Variants in TRIM9 observed in about 807,000 individuals in gnomAD.
TRIM9 encodes the protein E3 ubiquitin-protein ligase TRIM9.
A neutral mutation model predicts 78.3 loss-of-function variants in TRIM9; 26 were observed. The ratio of observed to expected loss-of-function variants is 0.33; its 90% CI spans 0.24 to 0.46. The LOEUF (loss-of-function observed/expected upper bound fraction) is 0.46. Ranked by LOEUF, TRIM9 falls within the 20% of genes least tolerant of loss-of-function variation. The pLI, the probability that TRIM9 is intolerant of heterozygous loss-of-function variation, is 1.00. For synonymous variants in TRIM9, 398 were observed against 416.5 expected (o/e 0.96, Z 0.54); for missense variants, 787 against 1,036.4 (o/e 0.76, Z 3.30).
intron 3 of TRIM9, among the ~76,000 whole-genome samples, chr14:51,019,950 T>C (rs987495780): frequency 6.6e-6 from 1 of 152,144 alleles, no homozygotes; most frequent in African/African-American, 2.4e-5. Context: ...GAGAGGGACA[T>C]GAGTAGATTA....
rs771232548 is a variant in TRIM9, at chr14:51,094,685, G to A, written c.255C>T (p.Ala85=). Residue 85 remains alanine, a synonymous_variant, in exon 1 of 13, where the codon GCC becomes GCT. Transcript: ENST00000684578. ...TCTGGCACGGGGTAGTGGGGGCGCTGGCGAACCCCCCGTAGGAGCCATAGC... is the reference window on the plus strand; with the variant it reads ...TCTGGCACGGGGTAGTGGGGGCGCTAGCGAACCCCCCGTAGGAGCCATAGC... ...DSGYGSYGGF[A]SAPTTPCQKS... is the part of the protein sequence containing the mutation. The A allele has an allele frequency of 1.6e-5, 26 of 1,576,174 alleles. No individual in the cohort carries two copies. The highest frequency in any genetic ancestry group is 1.7e-4 in the Middle Eastern group (1 of 5,904).
At chr14:50,999,998 C>T (rs571482467) in intron 6 of TRIM9, among the ~76,000 whole-genome samples, 1 of 152,296 alleles carries the variant, frequency 6.6e-6, no homozygotes, top group East Asian at 1.9e-4. Context: ...AGGGCTCCCT[C>T]ACCTTGGGAA....
At chr14:51,036,000 T>C (rs2059115298) in intron 1 of TRIM9, among the ~76,000 whole-genome samples, 1 of 152,336 alleles carries the variant, frequency 6.6e-6, no homozygotes. Context: ...TCAATCACAA[T>C]TGCTTGCAAG....
chr14:51,037,718 T>A (rs917185308), intron 1 of TRIM9, among the ~76,000 whole-genome samples: 7 of 151,922 alleles, frequency 4.6e-5, no homozygotes, highest in East Asian at 1.9e-4. Flanking sequence ...TTTAAAAAAA[T>A]TTTTTTTCAA....
Position 50,981,927 on chromosome 14 carries a change from G to A in TRIM9, c.2035C>T (p.Pro679Ser). 6.2e-7 allele frequency: 1 copy of A among 1,614,182 alleles called. No homozygotes were observed. Among genetic ancestry groups the A allele is most frequent in the Non-Finnish European group, 8.5e-7 (1 of 1,180,048 alleles). ...TCCATGCGAGCCACACCAAAGGCAG[G>A]ATCAGGGTGGTTGTCATAGCGATCT... Reference protein sequence around the residue: ...TVDRYDNHPDPAFGVARMDVM... With the variant: ...TVDRYDNHPDSAFGVARMDVM... Residue 679 changes from proline (P) to serine (S), a missense_variant, in exon 11 of 13, where the codon CCT becomes TCT. Pro to Ser is a moderately conservative substitution (Grantham distance 74, BLOSUM62 -1). This residue lies in a region of TRIM9 where 421 missense variants were observed against 514.3 expected (regional missense o/e 0.82). Coordinates refer to ENST00000684578, the MANE Select transcript of TRIM9 (RefSeq NM_001387360.1).
intron 1 of TRIM9, among the ~76,000 whole-genome samples, chr14:51,040,047 T>G (rs926450825): frequency 3.9e-5 from 6 of 152,358 alleles, no homozygotes; most frequent in Middle Eastern, 3.4e-3. Context: ...TCTCCCAAAG[T>G]GCTGGGATTA....
chr14:51,025,418 CAGCGAG>C, intron 1 of TRIM9, 58 bp from the exon 2 acceptor site: 3 of 1,293,558 alleles, frequency 2.3e-6, no homozygotes, highest in Non-Finnish European at 2.1e-6. Flanking sequence ...CCAACAAGGC[CAGCGAG>C]ACTCAAAACT....
intron 1 of TRIM9, among the ~76,000 whole-genome samples, chr14:51,047,880 C>A (rs1235530255): frequency 6.6e-6 from 1 of 151,838 alleles, no homozygotes; most frequent in Non-Finnish European, 1.5e-5. Context: ...TACAGTTTAT[C>A]TTTTTAGAAA....
At chr14:50,995,119 TG>T (rs141615701) in intron 7 of TRIM9, among the ~76,000 whole-genome samples, 1 of 152,314 alleles carries the variant, frequency 6.6e-6, no homozygotes, top group Non-Finnish European at 1.5e-5. Flanking sequence ...CCCAAGTATC[TG>T]GGATTACAGG....
At chr14:50,979,029 A>C (rs2051443657) in intron 12 of TRIM9, 2 of 1,268,428 alleles carry the variant, frequency 1.6e-6, no homozygotes, top group East Asian at 6.0e-5. Context: ...CTTCTCAGGC[A>C]CTCCTGAGCT....
chr14:51,087,560 G>A (rs2140351254), intron 1 of TRIM9, among the ~76,000 whole-genome samples: 1 of 152,306 alleles, frequency 6.6e-6, no homozygotes, highest in South Asian at 2.1e-4. Context: ...CCTTTGGGCT[G>A]AATTAGATAT....
intron 6 of TRIM9, among the ~76,000 whole-genome samples, chr14:50,999,018 C>T (rs1157420307): frequency 6.6e-6 from 1 of 152,152 alleles, no homozygotes; most frequent in Non-Finnish European, 1.5e-5. Context: ...ATATTATGTC[C>T]TCTCATTCAG....
At chr14:50,985,604 T>C (rs1314644197) in intron 8 of TRIM9, among the ~76,000 whole-genome samples, 2 of 152,200 alleles carry the variant, frequency 1.3e-5, no homozygotes, top group African/African-American at 2.4e-5. Flanking sequence ...ACCTCCACAT[T>C]ACTGCCATGG....
chr14:50,987,957 C>T (rs117798494), intron 7 of TRIM9, among the ~76,000 whole-genome samples: 9 of 152,194 alleles, frequency 5.9e-5, no homozygotes, highest in African/African-American at 1.4e-4. Flanking sequence ...TGAGCCATCA[C>T]GCCCAGCTAA....
At chr14:51,073,270 C>G (rs947530567) in intron 1 of TRIM9, among the ~76,000 whole-genome samples, 11 of 152,136 alleles carry the variant, frequency 7.2e-5, no homozygotes, top group African/African-American at 2.7e-4. Context: ...CATTTGTGTA[C>G]CTGAGCACCC....
chr14:51,014,258 G>C (rs74846861), intron 3 of TRIM9, among the ~76,000 whole-genome samples: 234 of 152,266 alleles, frequency 1.5e-3, no homozygotes, highest in African/African-American at 5.4e-3. Flanking sequence ...GGAGCTATCT[G>C]AGTGCTGGGG....
chr14:50,991,116 T>C (rs1249917870), intron 7 of TRIM9, among the ~76,000 whole-genome samples: 1 of 152,114 alleles, frequency 6.6e-6, no homozygotes, highest in East Asian at 1.9e-4. Flanking sequence ...ATCACCAAGT[T>C]CTCCACTCCA....
chr14:50,991,742 A>G (rs1321871554), intron 7 of TRIM9, among the ~76,000 whole-genome samples: 3 of 152,196 alleles, frequency 2.0e-5, no homozygotes, highest in Admixed American at 2.0e-4. Context: ...CCACAAAGGT[A>G]CTAATTGTAA....
chr14:50,986,034 C>A lies in TRIM9; in HGVS notation c.1714G>T (p.Gly572Trp), dbSNP rs2052665983. Residue 572 changes from glycine to tryptophan, a missense_variant, in exon 8 of 13, where the codon GGG (glycine) becomes TGG (tryptophan). By Grantham distance (184) the Gly-to-Trp change is radical. Coordinates refer to ENST00000684578, the MANE Select transcript of TRIM9 (RefSeq NM_001387360.1). Reference protein sequence around the residue: ...STLNLQPSFPGRSYFDFRSSP... With the variant: ...STLNLQPSFPWRSYFDFRSSP... ...GATCGGAAATCAAAGTAGGATCTCC[C>A]GGGGAAGCTGGGTTGTAGATTAAGG... 1.3e-6 allele frequency: 2 copies of A among 1,549,200 alleles called. No individual in the cohort carries two copies. Among genetic ancestry groups the A allele is most frequent in the South Asian group, 1.2e-5 (1 of 83,810 alleles).
Sources: gnomAD v4.1 joint callset for allele counts (sites outside exome capture counted in the v4.1 genomes callset) on GRCh38, gnomAD v4.1.1 for gene constraint, gnomAD v4.1.1 regional missense constraint, MANE v1.5 for transcripts, NCBI Gene and HGNC (gene_info 2026-07-23, HGNC 2026-07-21) for gene names.